Variants in AK5 observed in about 807,000 individuals in gnomAD.
The protein encoded by AK5 is adenylate kinase 5, also known as adenylate kinase isoenzyme 5.
In AK5, 27 loss-of-function variants were observed where a neutral mutation model predicts 69.5. The ratio of observed to expected loss-of-function variants is 0.39; its 90% CI spans 0.29 to 0.54. The LOEUF (loss-of-function observed/expected upper bound fraction) is 0.54. Ranked by LOEUF, AK5 falls within the 20% of genes least tolerant of loss-of-function variation. AK5 has a pLI of 0.71. For missense variants in AK5, 531 were observed against 700.4 expected (o/e 0.76, Z 2.73); for synonymous variants, 260 against 244.4 (o/e 1.06, Z -0.60).
chr1:77,298,491 T>G (rs1272220028), intron 5 of AK5, among the ~76,000 whole-genome samples: 1 of 151,754 alleles, frequency 6.6e-6, no homozygotes, highest in Non-Finnish European at 1.5e-5. Flanking sequence ...GAAAAGCTTA[T>G]GTTAATTGAT....
At chr1:77,478,566 C>T (rs1655080294) in intron 8 of AK5, among the ~76,000 whole-genome samples, 1 of 152,112 alleles carries the variant, frequency 6.6e-6, no homozygotes, top group African/African-American at 2.4e-5. Context: ...AACCTCTTTC[C>T]TTTGGAAATT....
intron 5 of AK5, among the ~76,000 whole-genome samples, chr1:77,299,284 G>T (rs192049002): frequency 8.3e-6 from 1 of 120,022 alleles, no homozygotes; most frequent in East Asian, 2.4e-4. Flanking sequence ...TATGTGAATT[G>T]CTTGTTCTCC....
At chr1:77,447,397 C>T (rs1652819215) in intron 8 of AK5, among the ~76,000 whole-genome samples, 3 of 152,196 alleles carry the variant, frequency 2.0e-5, no homozygotes, top group Admixed American at 6.5e-5. Context: ...GTGAATGCCT[C>T]ATCACTATGC....
intron 5 of AK5, among the ~76,000 whole-genome samples, chr1:77,316,247 C>T (rs900160058): frequency 6.6e-6 from 1 of 152,102 alleles, no homozygotes; most frequent in Non-Finnish European, 1.5e-5. Flanking sequence ...AAACACAGCC[C>T]TTGTGAACTC....
Position 77,297,746 on chromosome 1 carries a change from T to G in AK5, c.585+18T>G. The G allele has an allele frequency of 6.2e-7, 1 of 1,606,360 alleles. No homozygotes were observed. Among genetic ancestry groups the G allele is most frequent in the Non-Finnish European group, 8.5e-7 (1 of 1,177,366 alleles). On this transcript the variant is annotated intron_variant, in intron 4 of 13. Coordinates refer to ENST00000354567, the MANE Select transcript of AK5 (RefSeq NM_174858.3). ...CCCCACAGGTACTGCTGTATAATTA[T>G]CTTTTATTCTGCAAAATGTTTTCAT... is the stretch of plus-strand genomic sequence containing the variant.
At chr1:77,466,107 A>G (rs1007726913) in intron 8 of AK5, among the ~76,000 whole-genome samples, 2 of 152,094 alleles carry the variant, frequency 1.3e-5, no homozygotes, top group African/African-American at 4.8e-5. Context: ...TCCTCTGTGC[A>G]GCGTCTTCCC....
intron 5 of AK5, among the ~76,000 whole-genome samples, chr1:77,332,196 TAG>T (rs1459104788): frequency 6.6e-6 from 1 of 152,164 alleles, no homozygotes; most frequent in Admixed American, 6.5e-5. Context: ...ATAGAATATT[TAG>T]AGATTCATTT....
At chr1:77,376,534 T>C (rs1048499740) in intron 6 of AK5, among the ~76,000 whole-genome samples, 1 of 152,090 alleles carries the variant, frequency 6.6e-6, no homozygotes, top group Admixed American at 6.6e-5. Flanking sequence ...GGTCTTCTCT[T>C]TGATTTTTTT....
At chr1:77,443,280 T>C (rs1211648392) in intron 8 of AK5, among the ~76,000 whole-genome samples, 1 of 152,152 alleles carries the variant, frequency 6.6e-6, no homozygotes, top group African/African-American at 2.4e-5. Flanking sequence ...AATTTTATAA[T>C]TCATTGTGTA....
intron 8 of AK5, among the ~76,000 whole-genome samples, chr1:77,436,349 T>C (rs2100623642): frequency 6.6e-6 from 1 of 151,958 alleles, no homozygotes; most frequent in Admixed American, 6.5e-5. Context: ...TATATGTTAA[T>C]TAAAATTCAA....
rs142199347 is a variant in AK5 at position 77,511,336 on chromosome 1, G to A, written c.1148-7228G>A. ...GGGTATCAAGTTATCTGTAATATATGTATGTATTTTATGGGAGCCAAAGCA... is the reference window on the plus strand; with the variant it reads ...GGGTATCAAGTTATCTGTAATATATATATGTATTTTATGGGAGCCAAAGCA... On this transcript the variant is annotated intron_variant, in intron 10 of 13. Transcript: ENST00000354567. 1.8e-4 allele frequency among the ~76,000 whole-genome samples: 27 copies of A among 152,276 alleles called. No individual in the cohort carries two copies. The East Asian group carries it at 5.2e-3, about 29-fold the overall frequency.
At chr1:77,551,430 T>C (rs983089972) in intron 13 of AK5, among the ~76,000 whole-genome samples, 1 of 152,144 alleles carries the variant, frequency 6.6e-6, no homozygotes, top group Non-Finnish European at 1.5e-5. Flanking sequence ...ATCTTTGGGC[T>C]CCACAGGGGC....
At chr1:77,400,638 G>A (rs1557561776) in intron 6 of AK5, among the ~76,000 whole-genome samples, 1 of 152,060 alleles carries the variant, frequency 6.6e-6, no homozygotes, top group Non-Finnish European at 1.5e-5. Flanking sequence ...ATAAATCAAA[G>A]TCACTATTAC....
chr1:77,424,928 A>G (rs1307925445), intron 8 of AK5, among the ~76,000 whole-genome samples: 1 of 152,244 alleles, frequency 6.6e-6, no homozygotes, highest in Non-Finnish European at 1.5e-5. Context: ...CTCAGAAAAT[A>G]TCAAGCAAGA....
At chr1:77,348,505 A>G (rs1662026852) in intron 6 of AK5, among the ~76,000 whole-genome samples, 1 of 147,022 alleles carries the variant, frequency 6.8e-6, no homozygotes, top group East Asian at 1.9e-4. Context: ...AACTTAAAGT[A>G]TAATAAAAAA....
At chr1:77,417,192 T>A (rs1293349935) in intron 7 of AK5, among the ~76,000 whole-genome samples, 1 of 152,140 alleles carries the variant, frequency 6.6e-6, no homozygotes, top group Non-Finnish European at 1.5e-5. Flanking sequence ...CTCCTCCCAC[T>A]CTGTACTTTG....
At chr1:77,446,700 T>C (rs1652776711) in intron 8 of AK5, among the ~76,000 whole-genome samples, 1 of 152,216 alleles carries the variant, frequency 6.6e-6, no homozygotes, top group Non-Finnish European at 1.5e-5. Context: ...TTCTTGTTTG[T>C]TGTTATTGTT....
chr1:77,376,852 G>A (rs529203166), intron 6 of AK5, among the ~76,000 whole-genome samples: 1 of 152,150 alleles, frequency 6.6e-6, no homozygotes, highest in South Asian at 2.1e-4. Flanking sequence ...GAGTCTGAAG[G>A]TTGAGGCTGC....
intron 8 of AK5, among the ~76,000 whole-genome samples, chr1:77,421,238 T>C (rs957077414): frequency 1.6e-4 from 24 of 152,160 alleles, no homozygotes; most frequent in African/African-American, 5.1e-4. Flanking sequence ...CCTCATTTTA[T>C]CCTCAGACAA....
Sources: gnomAD v4.1 joint callset for allele counts (sites outside exome capture counted in the v4.1 genomes callset) on GRCh38, gnomAD v4.1.1 for gene constraint, MANE v1.5 for transcripts, NCBI Gene and HGNC (gene_info 2026-07-23, HGNC 2026-07-21) for gene names.